Variants in COMMD1 observed in about 807,000 individuals in gnomAD.
The protein encoded by COMMD1 is copper metabolism domain containing 1, also known as COMM domain-containing protein 1.
A neutral mutation model predicts 17.2 loss-of-function variants in COMMD1; 10 were observed. The ratio of observed to expected loss-of-function variants is 0.58; its 90% confidence interval spans 0.36 to 0.99. COMMD1 has a LOEUF of 0.99. Among genes scored for constraint, COMMD1 ranks in the 50% least tolerant of loss-of-function variants. The pLI, the probability that COMMD1 is intolerant of heterozygous loss-of-function variation, is 0.01. For missense variants in COMMD1, 270 were observed against 231.8 expected (o/e 1.17, Z -1.07); for synonymous variants, 97 against 91.6 (o/e 1.06, Z -0.34).
At chr2:62,081,911 G>C (rs537769177) in intron 2 of COMMD1, among the ~76,000 whole-genome samples, 1 of 151,806 alleles carries the variant, frequency 6.6e-6, no homozygotes, top group Non-Finnish European at 1.5e-5. Flanking sequence ...AAACCATTCT[G>C]TTTTGGGTTT....
At chr2:62,049,109 A>C (rs1351709843) in intron 2 of COMMD1, among the ~76,000 whole-genome samples, 2 of 152,140 alleles carry the variant, frequency 1.3e-5, no homozygotes, top group African/African-American at 4.8e-5. Flanking sequence ...ATTGAATAAT[A>C]ATTAATTGCC....
chr2:61,994,963 G>C (rs947719582), intron 1 of COMMD1, among the ~76,000 whole-genome samples: 24 of 152,136 alleles, frequency 1.6e-4, no homozygotes, highest in Non-Finnish European at 3.5e-4. Flanking sequence ...GCATAGCAAA[G>C]AAGAGGCAAG....
intron 2 of COMMD1, among the ~76,000 whole-genome samples, chr2:62,092,055 G>A (rs376772950): frequency 6.6e-6 from 1 of 152,326 alleles, no homozygotes; most frequent in East Asian, 1.9e-4. Context: ...GAAGATTGCT[G>A]AGGTTTGCAG....
At chr2:62,017,345 T>A (rs181775412) in intron 2 of COMMD1, among the ~76,000 whole-genome samples, 1 of 152,246 alleles carries the variant, frequency 6.6e-6, no homozygotes, top group East Asian at 1.9e-4. Flanking sequence ...CACTTCTTAG[T>A]CTAAAGAAAA....
intron 2 of COMMD1, among the ~76,000 whole-genome samples, chr2:62,101,932 C>T (rs1452537926): frequency 2.6e-5 from 4 of 152,078 alleles, no homozygotes; most frequent in African/African-American, 4.8e-5. Flanking sequence ...AACTTAATCT[C>T]CATCTCCTCT....
chr2:61,975,193 T>C (rs1003343929), intron 1 of COMMD1, among the ~76,000 whole-genome samples: 1 of 146,846 alleles, frequency 6.8e-6, no homozygotes, highest in African/African-American at 2.5e-5. Flanking sequence ...TTAGATAAGC[T>C]CATTTCTTTT....
At chr2:61,961,318 C>G (rs995011216) in intron 1 of COMMD1, among the ~76,000 whole-genome samples, 2 of 152,150 alleles carry the variant, frequency 1.3e-5, no homozygotes, top group Non-Finnish European at 2.9e-5. Flanking sequence ...TACACTTTAC[C>G]TGATTGGCTG....
rs554117781 is a variant in COMMD1, at chr2:61,975,254, T to C, written c.181-25447T>C. ...TAGATATACTCCGGTTTTATTTATC[T>C]GTTCACCTACTGAAGGACATTTTGG... is the stretch of plus-strand genomic sequence containing the variant. On this transcript the variant is annotated intron_variant, in intron 1 of 2. Coordinates refer to ENST00000311832, the MANE Select transcript of COMMD1 (RefSeq NM_152516.4). Among the ~76,000 whole-genome samples the C allele has an allele frequency of 5.3e-5, 8 of 152,170 alleles. No individual in the cohort carries two copies. The South Asian group carries it at 1.7e-3, about 32-fold the overall frequency.
At chr2:61,972,993 G>A (rs1671694831) in intron 1 of COMMD1, among the ~76,000 whole-genome samples, 1 of 151,854 alleles carries the variant, frequency 6.6e-6, no homozygotes, top group African/African-American at 2.4e-5. Flanking sequence ...CATATAAGTA[G>A]TATACTTATA....
intron 1 of COMMD1, among the ~76,000 whole-genome samples, chr2:61,999,023 A>G (rs1668847315): frequency 6.6e-6 from 1 of 152,244 alleles, no homozygotes; most frequent in African/African-American, 2.4e-5. Context: ...AAAGTTTGAA[A>G]TATGAGAATT....
chr2:61,904,879 C>G (rs969728477), upstream of COMMD1, among the ~76,000 whole-genome samples: 5 of 152,230 alleles, frequency 3.3e-5, no homozygotes, highest in Non-Finnish European at 7.3e-5. Context: ...TATTACATTA[C>G]TTTCAGTCTC....
chr2:61,889,094 G>A (rs1040512149), intron 1 of COMMD1, among the ~76,000 whole-genome samples: 2 of 149,636 alleles, frequency 1.3e-5, no homozygotes, highest in African/African-American at 4.9e-5. Flanking sequence ...GTAGAGACAG[G>A]GTTTCACCAT....
chr2:62,001,218 T>C, intron 2 of COMMD1: 1 of 505,972 alleles, frequency 2.0e-6, no homozygotes, highest in Non-Finnish European at 3.6e-6. Context: ...GGGCCAATAA[T>C]GTGATTGCTC....
chr2:61,932,245 A>T (rs535232032), intron 1 of COMMD1, among the ~76,000 whole-genome samples: 3 of 152,362 alleles, frequency 2.0e-5, no homozygotes, highest in African/African-American at 7.2e-5. Flanking sequence ...AATGTATACA[A>T]AAGGCACAAG....
intron 1 of COMMD1, among the ~76,000 whole-genome samples, chr2:61,988,416 C>T (rs1165466733): frequency 2.6e-5 from 4 of 152,172 alleles, no homozygotes; most frequent in Non-Finnish European, 1.5e-5. Flanking sequence ...TTCATAGCAA[C>T]TGGTTCCCAT....
At chr2:62,035,743 TAA>T (rs763075178) in intron 2 of COMMD1, among the ~76,000 whole-genome samples, 45 of 95,010 alleles carry the variant, frequency 4.7e-4, no homozygotes, top group African/African-American at 8.5e-4. Context: ...CTGTCTCAAT[TAA>T]AAAAAAAAAA....
chr2:62,059,592 A>G (rs941385336), intron 2 of COMMD1, among the ~76,000 whole-genome samples: 5 of 152,152 alleles, frequency 3.3e-5, no homozygotes, highest in African/African-American at 1.2e-4. Flanking sequence ...AAAAGGAGCT[A>G]AGTTGCCTGG....
intron 1 of COMMD1, among the ~76,000 whole-genome samples, chr2:61,890,111 C>A (rs1350235575): frequency 6.6e-6 from 1 of 152,190 alleles, no homozygotes; most frequent in South Asian, 2.1e-4. Context: ...TGTTCGCTCA[C>A]AATTATTAAG....
intron 2 of COMMD1, among the ~76,000 whole-genome samples, chr2:62,047,525 GCTCACTGCAAC>G (rs1250384952): frequency 2.4e-4 from 36 of 151,662 alleles, no homozygotes; most frequent in African/African-American, 8.5e-4. Flanking sequence ...TGAGGTCTTG[GCTCACTGCAAC>G]CTCCGCCTCC....
Sources: allele counts gnomAD v4.1 joint callset (sites outside exome capture counted in the v4.1 genomes callset), GRCh38; gene constraint gnomAD v4.1.1; transcripts MANE v1.5; gene names NCBI Gene and HGNC (gene_info 2026-07-23, HGNC 2026-07-21).